CADM1: variants seen among roughly 807,000 people sequenced by gnomAD.
CADM1 encodes cell adhesion molecule 1.
In CADM1, 15 loss-of-function variants were observed where a neutral mutation model predicts 53.1. The ratio of observed to expected loss-of-function variants is 0.28; its 90% CI spans 0.19 to 0.44. CADM1 has a LOEUF of 0.44. CADM1 is among the 20% of genes least tolerant of loss of function. The pLI is 1.00. For synonymous variants in CADM1, 281 were observed against 243.0 expected (o/e 1.16, Z -1.45); for missense variants, 434 against 611.3 (o/e 0.71, Z 3.06).
At chr11:115,470,366 C>T (rs1948986070) in intron 1 of CADM1, among the ~76,000 whole-genome samples, 1 of 152,196 alleles carries the variant, frequency 6.6e-6, no homozygotes, top group Non-Finnish European at 1.5e-5. Flanking sequence ...AATGAAACAA[C>T]ATTCTTGGGA....
chr11:115,502,075 A>T (rs1375077478), intron 1 of CADM1, among the ~76,000 whole-genome samples: 3 of 152,200 alleles, frequency 2.0e-5, no homozygotes, highest in African/African-American at 4.8e-5. Context: ...CAGAATTTTC[A>T]TGTAGCTTTG....
At chr11:115,461,544 C>G (rs1948795222) in intron 1 of CADM1, among the ~76,000 whole-genome samples, 1 of 152,148 alleles carries the variant, frequency 6.6e-6, no homozygotes, top group African/African-American at 2.4e-5. Context: ...TCAGGAAGAT[C>G]TGGCAACTAC....
chr11:115,271,086 C>G (rs1275632754), intron 1 of CADM1, among the ~76,000 whole-genome samples: 2 of 152,166 alleles, frequency 1.3e-5, no homozygotes, highest in African/African-American at 4.8e-5. Context: ...GGCTTAGGGA[C>G]TGATGTGTTA....
intron 1 of CADM1, among the ~76,000 whole-genome samples, chr11:115,499,084 A>G (rs1169376615): frequency 6.6e-6 from 1 of 152,198 alleles, no homozygotes; most frequent in African/African-American, 2.4e-5. Flanking sequence ...TCCTTCGAAA[A>G]TAAAACTTTT....
intron 9 of CADM1, among the ~76,000 whole-genome samples, chr11:115,198,102 G>A (rs1213018590): frequency 6.6e-6 from 1 of 152,184 alleles, no homozygotes; most frequent in Non-Finnish European, 1.5e-5. Context: ...TTTGTTTGAA[G>A]CCCCATGTAT....
In CADM1 at chr11:115,448,259, T is replaced by C. The variant is rs922582967; in HGVS notation, c.124+56012A>G. Among the ~76,000 whole-genome samples, 3 of 152,184 alleles carry C rather than the reference T, an allele frequency of 2.0e-5. 1 individual carries two copies. Among genetic ancestry groups the C allele is most frequent in the South Asian group, 4.1e-4 (2 of 4,830 alleles). ...TTAGAATATGGGCGTATTTTGACTA[T>C]CAAAATTCCTATATGGTATAAGTAG... On this transcript the variant is annotated intron_variant, in intron 1 of 11. Coordinates refer to ENST00000331581, the MANE Select transcript of CADM1 (RefSeq NM_001301043.2).
intron 5 of CADM1, among the ~76,000 whole-genome samples, chr11:115,218,511 A>C (rs1302654382): frequency 6.6e-6 from 1 of 152,218 alleles, no homozygotes; most frequent in African/African-American, 2.4e-5. Flanking sequence ...CCTCCCAGTG[A>C]AAACTCTGAC....
At chr11:115,218,792 A>AGAT (rs1440235244) in intron 5 of CADM1, among the ~76,000 whole-genome samples, 2 of 152,196 alleles carry the variant, frequency 1.3e-5, no homozygotes, top group Non-Finnish European at 2.9e-5. Flanking sequence ...CTTAGGAAGG[A>AGAT]GATATAAGTA....
Position 115,170,345 on chromosome 11 carries a change from C to A in CADM1, c.*6129G>T, listed in dbSNP as rs1938748966. On this transcript the variant is annotated 3_prime_UTR_variant, in exon 12 of 12. Transcript: ENST00000331581. ...AAAAAGCAGTAGACAATGTCAGGTT[C>A]CTTGTTGGAATACATTCTGCATTTC... is the stretch of plus-strand genomic sequence containing the variant. 6.6e-6 allele frequency: 1 copy of A among 152,098 alleles called. No individual in the cohort carries two copies. The highest frequency in any genetic ancestry group is 2.4e-5 in the African/African-American group (1 of 41,390). 9.4% of individuals were successfully genotyped at this position (152,098 alleles called of 1,614,324 possible).
intron 1 of CADM1, among the ~76,000 whole-genome samples, chr11:115,306,103 C>CACACACACACACAT (rs1213855783): frequency 1.3e-5 from 2 of 151,294 alleles, no homozygotes; most frequent in African/African-American, 4.9e-5. Flanking sequence ...CACACACACA[C>CACACACACACACAT]ATACCGTCAT....
intron 1 of CADM1, among the ~76,000 whole-genome samples, chr11:115,340,658 A>ATTTTTTTT: frequency 4.0e-4 from 14 of 34,938 alleles, no homozygotes; most frequent in African/African-American, 1.1e-3. Context: ...ATATATATAT[A>ATTTTTTTT]TTTTTTTTTT....
chr11:115,368,579 G>A (rs1306126999), intron 1 of CADM1, among the ~76,000 whole-genome samples: 1 of 152,086 alleles, frequency 6.6e-6, no homozygotes, highest in African/African-American at 2.4e-5. Flanking sequence ...ATAATGTTCT[G>A]TGAAGAAAAT....
At chr11:115,494,915 AC>A (rs1396461817) in intron 1 of CADM1, among the ~76,000 whole-genome samples, 5 of 152,282 alleles carry the variant, frequency 3.3e-5, no homozygotes, top group African/African-American at 1.2e-4. Context: ...CCACTTGCCA[AC>A]CTGGCCCAGA....
intron 1 of CADM1, among the ~76,000 whole-genome samples, chr11:115,315,099 A>T (rs1944626873): frequency 6.6e-6 from 1 of 152,212 alleles, no homozygotes; most frequent in Admixed American, 6.5e-5. Context: ...ATTTCAAAGT[A>T]CATCCCTGTC....
chr11:115,407,686 T>G (rs942076040), intron 1 of CADM1, among the ~76,000 whole-genome samples: 3 of 151,824 alleles, frequency 2.0e-5, no homozygotes, highest in Admixed American at 1.3e-4. Flanking sequence ...CTGGGCAACA[T>G]AGTGAGACCC....
At chr11:115,216,165 T>C (rs1015372452) in intron 6 of CADM1, among the ~76,000 whole-genome samples, 3 of 152,218 alleles carry the variant, frequency 2.0e-5, no homozygotes, top group Non-Finnish European at 2.9e-5. Context: ...TTACCATTTT[T>C]ATTGTATGCA....
At chr11:115,304,528 A>AT (rs1944313131) in intron 1 of CADM1, among the ~76,000 whole-genome samples, 1 of 152,074 alleles carries the variant, frequency 6.6e-6, no homozygotes, top group Non-Finnish European at 1.5e-5. Context: ...AGGAAGAGAT[A>AT]TAACTATGGC....
intron 8 of CADM1, among the ~76,000 whole-genome samples, chr11:115,206,636 C>T (rs1257515982): frequency 3.3e-5 from 5 of 151,694 alleles, no homozygotes; most frequent in Admixed American, 6.6e-5. Flanking sequence ...TATGACTTCT[C>T]GAGTTTAAAA....
chr11:115,408,923 G>A (rs769217042), intron 1 of CADM1, among the ~76,000 whole-genome samples: 57 of 152,238 alleles, frequency 3.7e-4, no homozygotes, highest in Non-Finnish European at 4.9e-4. Context: ...ATAGATTTTC[G>A]TTTTAATCCG....
Sources: gnomAD v4.1 joint callset for allele counts (sites outside exome capture counted in the v4.1 genomes callset) on GRCh38, gnomAD v4.1.1 for gene constraint, MANE v1.5 for transcripts, NCBI Gene and HGNC (gene_info 2026-07-23, HGNC 2026-07-21) for gene names.